The following DOCK10 variants were observed in gnomAD, a reference collection of about 807,000 sequenced individuals.
DOCK10 encodes dedicator of cytokinesis protein 10.
DOCK10 carries 145 observed loss-of-function variants against 280.1 expected under a neutral mutation model. The ratio of observed to expected loss-of-function variants is 0.52; its 90% CI spans 0.45 to 0.59. DOCK10 has a LOEUF of 0.59. DOCK10 is among the 20% of genes least tolerant of loss of function. The pLI, the probability that DOCK10 is intolerant of heterozygous loss-of-function variation, is 0.00. For synonymous variants in DOCK10, 915 were observed against 942.2 expected (o/e 0.97, Z 0.53); for missense variants, 2,368 against 2,651.7 (o/e 0.89, Z 2.35).
rs1363170184 is a variant in DOCK10, at chr2:224,844,789, T to C, written c.2532A>G (p.Lys844=). The C allele has an allele frequency of 1.2e-6, 2 of 1,605,140 alleles. No individual in the cohort carries two copies. The highest frequency in any genetic ancestry group is 2.7e-5 in the African/African-American group (2 of 74,856). Residue 844 remains lysine, a synonymous_variant, in exon 22 of 56, where the codon AAA becomes AAG. Transcript: ENST00000258390. The part of the protein sequence containing the change: ...KWVDGGKPLF[K]VSTFVVSTVN... ...CTGTTGATACAACAAATGTCGACACTTTGAAAAGTGGTTTGCCACCATCAA... is the reference window on the plus strand; with the variant it reads ...CTGTTGATACAACAAATGTCGACACCTTGAAAAGTGGTTTGCCACCATCAA...
chr2:224,858,041 A>T lies in DOCK10; in HGVS notation c.1686-1059T>A, dbSNP rs536645708. On this transcript the variant is annotated intron_variant, in intron 14 of 55. Coordinates refer to ENST00000258390, the MANE Select transcript of DOCK10 (RefSeq NM_014689.3). ...TAAAAAGGCAAATAACGTTGGGGAG[A>T]CAGAATAAAAATATTAAACATGAAT... is the stretch of plus-strand genomic sequence containing the variant. 1.6e-3 allele frequency among the ~76,000 whole-genome samples: 250 copies of T among 152,314 alleles called. 1 individual carries two copies. Among genetic ancestry groups the T allele is most frequent in the Non-Finnish European group, 2.9e-3 (196 of 68,030 alleles).
At position 224,964,678 on chromosome 2, in the gene DOCK10, G is replaced by A. The variant is rs78916018; in HGVS notation, c.124-33010C>T. ...AGGCACCATGCCTGGCGTGGCCTTT[G>A]AATATTTCTAAGAAAAGGTGATGAC... On this transcript the variant is annotated intron_variant, in intron 1 of 55. Transcript: ENST00000258390. Among the ~76,000 whole-genome samples, 833 of 152,116 alleles carry A rather than the reference G, an allele frequency of 5.5e-3. 6 individuals carry two copies. Among genetic ancestry groups the A allele is most frequent in the African/African-American group, 0.019 (780 of 41,486 alleles).
intron 1 of DOCK10, among the ~76,000 whole-genome samples, chr2:225,021,594 A>G (rs994425710): frequency 6.6e-6 from 1 of 152,216 alleles, no homozygotes; most frequent in African/African-American, 2.4e-5. Flanking sequence ...TTGTACATTG[A>G]GTACTTGCAG....
At chr2:224,776,945 CT>C (rs767902497) in intron 51 of DOCK10, among the ~76,000 whole-genome samples, 2 of 152,202 alleles carry the variant, frequency 1.3e-5, no homozygotes, top group Non-Finnish European at 2.9e-5. Flanking sequence ...CTTTGACTCT[CT>C]GGTGACACTT....
chr2:224,951,540 T>C (rs1343315400), intron 1 of DOCK10, among the ~76,000 whole-genome samples: 2 of 152,186 alleles, frequency 1.3e-5, no homozygotes, highest in African/African-American at 4.8e-5. Flanking sequence ...TTTAGAGACA[T>C]GGGAATTTGA....
In DOCK10 at chr2:224,797,859, A is replaced by G. The variant is rs780982246; in HGVS notation, c.4617T>C (p.Phe1539=). ...NQSATALKHV[F]ASLRLFVCKF... is the part of the protein sequence containing the mutation. ...TGCATACAAACAGTCTCAAGGAGGC[A>G]AACACATGCTTCAGCGCTGTGGCTG... Residue 1539 remains phenylalanine, a synonymous_variant, in exon 42 of 56, where the codon TTT becomes TTC. Transcript: ENST00000258390. 1.9e-6 allele frequency: 3 copies of G among 1,613,834 alleles called. No homozygotes were observed. In the Admixed American group the frequency reaches 5.0e-5, roughly 27 times the overall value.
intron 3 of DOCK10, among the ~76,000 whole-genome samples, chr2:224,907,442 C>A (rs1239604566): frequency 1.3e-5 from 2 of 152,148 alleles, no homozygotes; most frequent in Non-Finnish European, 2.9e-5. Context: ...AATCTCAGCA[C>A]TTTGGGAGGC....
intron 1 of DOCK10, among the ~76,000 whole-genome samples, chr2:224,986,019 C>A (rs1705965125): frequency 6.6e-6 from 1 of 152,182 alleles, no homozygotes; most frequent in Non-Finnish European, 1.5e-5. Flanking sequence ...ATACCTACGT[C>A]TGTTTTGACC....
intron 27 of DOCK10, among the ~76,000 whole-genome samples, chr2:224,826,708 A>AC (rs1694879101): frequency 6.6e-6 from 1 of 151,224 alleles, no homozygotes; most frequent in Non-Finnish European, 1.5e-5. Context: ...GGGCAACATG[A>AC]CGAAACCCCA....
intron 47 of DOCK10, among the ~76,000 whole-genome samples, chr2:224,791,220 G>C (rs1370875270): frequency 6.6e-6 from 1 of 152,148 alleles, no homozygotes; most frequent in Non-Finnish European, 1.5e-5. Context: ...GAACGTTACG[G>C]CATCTGGTTA....
intron 7 of DOCK10, among the ~76,000 whole-genome samples, chr2:224,882,518 T>G (rs1226114427): frequency 6.6e-6 from 1 of 152,168 alleles, no homozygotes; most frequent in Non-Finnish European, 1.5e-5. Flanking sequence ...GAGCCACCCT[T>G]GTAATATACG....
In DOCK10 at chr2:224,885,784, G is replaced by T; in HGVS notation, c.634C>A (p.Gln212Lys). 3 of 1,613,272 alleles carry T rather than the reference G, an allele frequency of 1.9e-6. No individual in the cohort carries two copies. The highest frequency in any genetic ancestry group is 2.5e-6 in the Non-Finnish European group (3 of 1,179,736). The change falls in exon 7 of 56, where the codon CAG (glutamine) becomes AAG (lysine). Residue 212 changes from glutamine (Q) to lysine (K), a missense_variant. Coordinates refer to ENST00000258390, the MANE Select transcript of DOCK10 (RefSeq NM_014689.3). Reference protein sequence around the residue: ...TVRSFKKRYFQLTQLPDNSYI... With the variant: ...TVRSFKKRYFKLTQLPDNSYI... ...GAGTTATCTGGTAACTGAGTCAGCTGGAAGTAGCGCTTTTTGAATGACTAA... is the reference window on the plus strand; with the variant it reads ...GAGTTATCTGGTAACTGAGTCAGCTTGAAGTAGCGCTTTTTGAATGACTAA...
intron 40 of DOCK10, 59 bp downstream of exon 40, chr2:224,801,857 T>C (rs1693037277): frequency 6.4e-7 from 1 of 1,570,270 alleles, no homozygotes; most frequent in Non-Finnish European, 8.7e-7. Flanking sequence ...TTTCATGTCC[T>C]ACACATACCT....
chr2:224,976,065 C>T (rs13411031), intron 1 of DOCK10, among the ~76,000 whole-genome samples: 73,866 of 151,906 alleles, frequency 0.49, 19,276 homozygotes, highest in African/African-American at 0.66. Flanking sequence ...GTGAGCCTGC[C>T]GACCTGCAAG....
At chr2:225,036,239 A>G (rs1320654449) in intron 1 of DOCK10, among the ~76,000 whole-genome samples, 2 of 152,194 alleles carry the variant, frequency 1.3e-5, no homozygotes, top group Admixed American at 1.3e-4. Flanking sequence ...TTAAGTTCAC[A>G]CTACAATTAA....
chr2:224,845,355 G>A (rs1313624889), intron 20 of DOCK10, 31 bp from the exon 21 acceptor site: 7 of 1,579,184 alleles, frequency 4.4e-6, no homozygotes, highest in Non-Finnish European at 5.2e-6. Context: ...CAAAAATTCT[G>A]AGTACAAACC....
rs1479804571 is a variant in DOCK10 at position 224,823,510 on chromosome 2, T to C, written c.3174A>G (p.Arg1058=). ...ETRRANHSVA[R]FLKRCFTFMD... Reference sequence around the variant, plus strand: ...TCTCATATAACTGTACCTTGAGAAATCTGGCAACGCTGTGGTTTGCCCTTC... The same window carrying C: ...TCTCATATAACTGTACCTTGAGAAACCTGGCAACGCTGTGGTTTGCCCTTC... The change falls in exon 28 of 56, where the codon AGA becomes AGG. Residue 1058 remains arginine (R), a synonymous_variant. Transcript: ENST00000258390. 1 of 1,595,982 alleles carries C rather than the reference T, an allele frequency of 6.3e-7. No individual in the cohort carries two copies. Among genetic ancestry groups the C allele is most frequent in the Middle Eastern group, 1.7e-4 (1 of 6,032 alleles).
intron 1 of DOCK10, among the ~76,000 whole-genome samples, chr2:224,977,923 C>A (rs1015836166): frequency 6.6e-6 from 1 of 152,186 alleles, no homozygotes; most frequent in Admixed American, 6.5e-5. Context: ...AATGCCAAAG[C>A]CTTCTGAAGG....
intron 31 of DOCK10, among the ~76,000 whole-genome samples, chr2:224,810,368 A>C (rs932167491): frequency 2.0e-4 from 31 of 152,310 alleles, no homozygotes; most frequent in African/African-American, 7.2e-4. Flanking sequence ...ATTTTAGTCA[A>C]AGGGTACAAA....
Sources: gnomAD v4.1 joint callset for allele counts (sites outside exome capture counted in the v4.1 genomes callset) on GRCh38, gnomAD v4.1.1 for gene constraint, MANE v1.5 for transcripts, NCBI Gene and HGNC (gene_info 2026-07-23, HGNC 2026-07-21) for gene names.